The following LRRFIP1 variants were observed in gnomAD, a reference collection of about 807,000 sequenced individuals.
The protein encoded by LRRFIP1 is LRR binding FLII interacting protein 1.
A neutral mutation model predicts 104.4 loss-of-function variants in LRRFIP1; 62 were observed. The observed-to-expected ratio is 0.59, with a 90% CI of 0.48 to 0.73. LRRFIP1 has a LOEUF of 0.73. Ranked by LOEUF, LRRFIP1 falls within the 30% of genes least tolerant of loss-of-function variation. The pLI is 0.00. For missense variants in LRRFIP1, 796 were observed against 824.5 expected (o/e 0.97, Z 0.42); for synonymous variants, 300 against 299.0 (o/e 1.00, Z -0.03).
At position 237,753,324 on chromosome 2, in the gene LRRFIP1, G is replaced by C; in HGVS notation, c.883G>C (p.Val295Leu). The C allele has an allele frequency of 6.3e-7, 1 of 1,585,310 alleles. No individual in the cohort carries two copies. Among genetic ancestry groups the C allele is most frequent in the Non-Finnish European group, 8.5e-7 (1 of 1,173,152 alleles). ...CTTTCCACAGGACTCTCTAGCAGAA[G>C]TTGAAGAGAAATATAAGAAGGCTAT... is the stretch of plus-strand genomic sequence containing the variant. ...LKEMKDSLAE[V>L]EEKYKKAMVS... The change falls in exon 15 of 24, where the codon GTT becomes CTT. Residue 295 changes from valine (V) to leucine (L), a missense_variant. By Grantham distance (32) the Val-to-Leu change is conservative. Transcript: ENST00000308482.
intron 22 of LRRFIP1, chr2:237,774,131 GTCAGAGGAAATGGGTCCCCA>G (rs1346123240): frequency 2.0e-5 from 10 of 506,758 alleles, no homozygotes; most frequent in Non-Finnish European, 3.2e-5. Flanking sequence ...GGTGGACGGG[GTCAGAGGAAATGGGTCCCCA>G]TCATGTCAGC....
intron 1 of LRRFIP1, among the ~76,000 whole-genome samples, chr2:237,650,401 C>T (rs1298641179): frequency 6.6e-6 from 1 of 151,952 alleles, no homozygotes; most frequent in Non-Finnish European, 1.5e-5. Context: ...TGGATTTTCC[C>T]CCTAGCAAGA....
intron 1 of LRRFIP1, among the ~76,000 whole-genome samples, chr2:237,671,969 C>A (rs764034483): frequency 1.3e-5 from 2 of 150,974 alleles, no homozygotes; most frequent in African/African-American, 4.9e-5. Flanking sequence ...CACTGTTCAC[C>A]GGGTTGAGGG....
At chr2:237,779,186 C>A in intron 23 of LRRFIP1, 1 of 240,122 alleles carries the variant, frequency 4.2e-6, no homozygotes, top group Non-Finnish European at 6.7e-6. Context: ...TGCACTCCAG[C>A]CTGGGCGACT....
Position 237,765,496 on chromosome 2 carries a change from AATC to A in LRRFIP1, c.1460-4441_1460-4439del, listed in dbSNP as rs1305650358. ...CTTAAAATACTTTGTTTGAATTTCT[AATC>A]ATCATTCAAAAGAGCAGTAAAAAAT... On this transcript the variant is annotated intron_variant, in intron 19 of 23. Coordinates refer to ENST00000308482, the MANE Select transcript of LRRFIP1 (RefSeq NM_001137550.2). The A allele has an allele frequency of 9.4e-6, 9 of 957,476 alleles. No individual in the cohort carries two copies. The South Asian group carries it at 1.4e-4, about 15-fold the overall frequency. The allele number at this position is 957,476 out of a possible 1,614,324, so 59.3% of individuals were successfully genotyped here.
chr2:237,757,438 G>A lies in LRRFIP1; in HGVS notation c.1132-18G>A, dbSNP rs372086888. 1.2e-5 allele frequency: 18 copies of A among 1,539,164 alleles called. No individual in the cohort carries two copies. Among genetic ancestry groups the A allele is most frequent in the African/African-American group, 2.7e-5 (2 of 73,024 alleles). On this transcript the variant is annotated intron_variant, in intron 16 of 23. Transcript: ENST00000308482. ...CTCTTTAACCCTTTATCTGCTTTCT[G>A]TCTGTTCCTTTCCTCAGGAAATCCG...
At chr2:237,707,952 G>A (rs568796732) in intron 1 of LRRFIP1, among the ~76,000 whole-genome samples, 12 of 152,338 alleles carry the variant, frequency 7.9e-5, no homozygotes, top group South Asian at 6.2e-4. Context: ...CTGAGGGTGC[G>A]TGTGTGCTGA....
chr2:237,753,790 CAAAA>C lies in LRRFIP1; in HGVS notation c.1038+327_1038+330del, dbSNP rs749198309. On this transcript the variant is annotated intron_variant, in intron 15 of 23. Transcript: ENST00000308482. The stretch of plus-strand genomic sequence containing the variant: ...TTGGGCAACAGAGAAGACACTGTCT[CAAAA>C]AAAAAAAAAAAAAAAGGGAATGGTA... Among the ~76,000 whole-genome samples the C allele has an allele frequency of 4.9e-4, 37 of 74,750 alleles. 1 individual carries two copies. The South Asian group carries it at 0.013, about 27-fold the overall frequency. The allele number at this position is 74,750 out of a possible 152,430, so 49.0% of individuals were successfully genotyped here. A position where few individuals can be genotyped will look rare whatever the true frequency, so the allele number is the denominator to read the frequency against.
Position 237,674,180 on chromosome 2 carries a change from G to A in LRRFIP1, c.97-34364G>A, listed in dbSNP as rs78135814. ...CAGGAAGAGGTGTCCAGACGGCAGGGGCTGAGGCTTGGAGGAGTCAGGATT... is the reference window on the plus strand; with the variant it reads ...CAGGAAGAGGTGTCCAGACGGCAGGAGCTGAGGCTTGGAGGAGTCAGGATT... On this transcript the variant is annotated intron_variant, in intron 1 of 23. Transcript: ENST00000308482. 3.4e-3 allele frequency among the ~76,000 whole-genome samples: 515 copies of A among 152,246 alleles called. 10 individuals are homozygous for A. The East Asian group carries it at 0.047, about 14-fold the overall frequency.
At chr2:237,747,391 G>A (rs1487951440) in intron 11 of LRRFIP1, among the ~76,000 whole-genome samples, 1 of 152,176 alleles carries the variant, frequency 6.6e-6, no homozygotes, top group African/African-American at 2.4e-5. Flanking sequence ...GGCCCAGCGT[G>A]GACTCGGGCC....
chr2:237,637,553 C>A (rs936042907), intron 1 of LRRFIP1, among the ~76,000 whole-genome samples: 2 of 152,200 alleles, frequency 1.3e-5, no homozygotes, highest in African/African-American at 4.8e-5. Flanking sequence ...GATATACTTT[C>A]CATAAAACAA....
At chr2:237,645,629 GGT>G (rs34981583) in intron 1 of LRRFIP1, among the ~76,000 whole-genome samples, 19,579 of 151,902 alleles carry the variant, frequency 0.13, 1,959 homozygotes, top group Non-Finnish European at 0.2. Flanking sequence ...TCTTTTGGGA[GGT>G]GTGGTGGCTA....
chr2:237,632,251 C>G (rs1046519254), intron 1 of LRRFIP1, among the ~76,000 whole-genome samples: 1 of 152,244 alleles, frequency 6.6e-6, no homozygotes, highest in African/African-American at 2.4e-5. Context: ...GCATTGCCCC[C>G]AAGGCAGCCT....
At chr2:237,654,181 T>C (rs1260840885) in intron 1 of LRRFIP1, among the ~76,000 whole-genome samples, 1 of 151,964 alleles carries the variant, frequency 6.6e-6, no homozygotes, top group Non-Finnish European at 1.5e-5. Context: ...AATAACCTGG[T>C]TTTAAAATGG....
In LRRFIP1 at chr2:237,720,787, G is replaced by A. The variant is rs1209485828; in HGVS notation, c.310G>A (p.Glu104Lys). ...CTTTTAATAGGCTTCTGATGAAGAC[G>A]AGCGCATGTCAGTGGGTAGTCGTGG... is the stretch of plus-strand genomic sequence containing the variant. ...RRNTSASDEDERMSVGSRGSL... is the reference protein window; with the variant it reads ...RRNTSASDEDKRMSVGSRGSL... The change falls in exon 6 of 24, where the codon GAG becomes AAG. Residue 104 changes from glutamate (E) to lysine (K), a missense_variant. Coordinates refer to ENST00000308482, the MANE Select transcript of LRRFIP1 (RefSeq NM_001137550.2). The A allele has an allele frequency of 1.9e-6, 3 of 1,614,032 alleles. No individual in the cohort carries two copies. The highest frequency in any genetic ancestry group is 8.5e-7 in the Non-Finnish European group (1 of 1,179,912).
intron 8 of LRRFIP1, 23 bp downstream of exon 8, chr2:237,727,958 G>A: frequency 6.4e-7 from 1 of 1,560,198 alleles, no homozygotes; most frequent in South Asian, 1.2e-5. Flanking sequence ...AATTTGCATG[G>A]CTCAAAATTC....
At chr2:237,659,041 C>G (rs751946967) in intron 1 of LRRFIP1, among the ~76,000 whole-genome samples, 1 of 151,980 alleles carries the variant, frequency 6.6e-6, no homozygotes, top group African/African-American at 2.4e-5. Flanking sequence ...CTTTTCTATA[C>G]AGTAAAAGGG....
intron 22 of LRRFIP1, 139 bp downstream of exon 22, chr2:237,773,084 G>A: frequency 1.5e-6 from 1 of 651,428 alleles, no homozygotes; most frequent in East Asian, 2.7e-5. Flanking sequence ...AGTTAAGACA[G>A]CAAGTCTTTC....
In LRRFIP1 at chr2:237,661,538, T is replaced by C. The variant is rs1238596915; in HGVS notation, c.96+33798T>C. Among the ~76,000 whole-genome samples, 1 of 152,236 alleles carries C rather than the reference T, an allele frequency of 6.6e-6. No individual in the cohort carries two copies. Among genetic ancestry groups the C allele is most frequent in the Non-Finnish European group, 1.5e-5 (1 of 68,030 alleles). Reference sequence around the variant, plus strand: ...CCTCGCTCTCGGCCCCTGGTTCACCTTCTGTTCCTGCCCAGGGCAAACTGC... The same window carrying C: ...CCTCGCTCTCGGCCCCTGGTTCACCCTCTGTTCCTGCCCAGGGCAAACTGC... On this transcript the variant is annotated intron_variant, in intron 1 of 23. Coordinates refer to ENST00000308482, the MANE Select transcript of LRRFIP1 (RefSeq NM_001137550.2). This position sits in a 1 kb window ranked among gnomAD's most constrained non-coding sequence, Gnocchi z 4.4.
Sources: allele counts gnomAD v4.1 joint callset (sites outside exome capture counted in the v4.1 genomes callset), GRCh38; gene constraint gnomAD v4.1.1; non-coding constraint Gnocchi (gnomAD v3.1); transcripts MANE v1.5; gene names NCBI Gene and HGNC (gene_info 2026-07-23, HGNC 2026-07-21).